SLC35B4: variants seen among roughly 807,000 people sequenced by gnomAD.
SLC35B4 encodes nucleotide sugar transporter SLC35B4.
In SLC35B4, 28 loss-of-function variants were observed where a neutral mutation model predicts 39.5. That is an observed-to-expected ratio of 0.71 (90% confidence interval 0.53 to 0.97). The LOEUF (loss-of-function observed/expected upper bound fraction) is 0.97. Ranked by LOEUF, SLC35B4 falls within the 50% of genes least tolerant of loss-of-function variation. SLC35B4 has a pLI of 0.00. For synonymous variants in SLC35B4, 145 were observed against 150.4 expected (o/e 0.96, Z 0.26); for missense variants, 334 against 414.3 (o/e 0.81, Z 1.68).
chr7:134,294,829 G>A lies in SLC35B4; in HGVS notation c.*4C>T, dbSNP rs778645000. The A allele has an allele frequency of 1.2e-6, 2 of 1,613,706 alleles. No homozygotes were observed. The highest frequency in any genetic ancestry group is 2.7e-5 in the African/African-American group (2 of 74,884). Reference sequence around the variant, plus strand: ...GACACTGGTCTACGTACTCCAGACAGGCCTCAGTTCTTCTTGCTGTCCTTC... The same window carrying A: ...GACACTGGTCTACGTACTCCAGACAAGCCTCAGTTCTTCTTGCTGTCCTTC... On this transcript the variant is annotated 3_prime_UTR_variant, in exon 10 of 10. Transcript: ENST00000378509.
intron 8 of SLC35B4, among the ~76,000 whole-genome samples, chr7:134,298,112 C>T (rs1803506103): frequency 6.6e-6 from 1 of 152,050 alleles, no homozygotes; most frequent in Admixed American, 6.5e-5. Flanking sequence ...AATTTTCTTT[C>T]ACGAATAAAA....
rs1435084611 is a variant in SLC35B4 at position 134,316,879 on chromosome 7, G to A, written c.-128C>T. ...ACCGTCCTGGAAAGCCGCTCTCACTGGGGGCCGCCGCGGTCTCCCCTTCTC... is the reference window on the plus strand; with the variant it reads ...ACCGTCCTGGAAAGCCGCTCTCACTAGGGGCCGCCGCGGTCTCCCCTTCTC... On this transcript the variant is annotated 5_prime_UTR_variant, in exon 1 of 10. Coordinates refer to ENST00000378509, the MANE Select transcript of SLC35B4 (RefSeq NM_032826.5). 1.8e-5 allele frequency: 16 copies of A among 873,056 alleles called. No individual in the cohort carries two copies. Among genetic ancestry groups the A allele is most frequent in the Non-Finnish European group, 2.6e-5 (15 of 573,138 alleles). The allele number at this position is 873,056 out of a possible 1,614,324, so 54.1% of individuals were successfully genotyped here. A position where few individuals can be genotyped will look rare whatever the true frequency, so the allele number is the denominator to read the frequency against.
At chr7:134,295,291 A>C (rs1803437893) in intron 9 of SLC35B4, 2 of 535,176 alleles carry the variant, frequency 3.7e-6, no homozygotes, top group South Asian at 2.2e-5. Flanking sequence ...ACCGCCAAAA[A>C]ACCCCCAATT....
intron 1 of SLC35B4, among the ~76,000 whole-genome samples, chr7:134,314,041 A>AAAAG (rs959338941): frequency 7.6e-5 from 9 of 118,696 alleles, no homozygotes; most frequent in African/African-American, 2.5e-4. Flanking sequence ...TACAAAAAAA[A>AAAAG]GATAAGTGAT....
At chr7:134,300,851 A>T (rs938283544) in intron 6 of SLC35B4, among the ~76,000 whole-genome samples, 1 of 152,078 alleles carries the variant, frequency 6.6e-6, no homozygotes, top group Non-Finnish European at 1.5e-5. Flanking sequence ...GTTTTACTGT[A>T]CCCTCAGCAG....
At chr7:134,317,308 T>C (rs552401334), upstream of SLC35B4, among the ~76,000 whole-genome samples, 13 of 152,214 alleles carry the variant, frequency 8.5e-5, no homozygotes, top group African/African-American at 2.7e-4. Context: ...TGAACTGATA[T>C]ATATATATGT....
intron 1 of SLC35B4, among the ~76,000 whole-genome samples, chr7:134,309,717 T>C (rs1283237590): frequency 6.6e-6 from 1 of 152,230 alleles, no homozygotes; most frequent in Non-Finnish European, 1.5e-5. Context: ...TGAGTGAGAA[T>C]TACTGTGACG....
rs112171997 is a variant in SLC35B4 at position 134,294,193 on chromosome 7, G to GA, written c.*639dup. On this transcript the variant is annotated 3_prime_UTR_variant, in exon 10 of 10. Coordinates refer to ENST00000378509, the MANE Select transcript of SLC35B4 (RefSeq NM_032826.5). ...GATAGAAGCATCTGACTTTTGCATA[G>GA]AAAAAAAAAAAAGCAAAATGTGGGA... 0.02 allele frequency: 2,914 copies of GA among 143,256 alleles called. 111 individuals are homozygous for GA. The highest frequency in any genetic ancestry group is 0.07 in the African/African-American group (2,763 of 39,394). The allele number at this position is 143,256 out of a possible 1,614,324, so 8.9% of individuals were successfully genotyped here.
chr7:134,309,864 G>C (rs1288641227), intron 1 of SLC35B4, among the ~76,000 whole-genome samples: 1 of 152,146 alleles, frequency 6.6e-6, no homozygotes, highest in Admixed American at 6.5e-5. Context: ...GCAAAGCCCA[G>C]GGACAGAAAT....
At chr7:134,316,609 G>T in intron 1 of SLC35B4, 66 bp downstream of exon 1, 3 of 1,505,508 alleles carry the variant, frequency 2.0e-6, no homozygotes, top group Admixed American at 2.0e-5. Flanking sequence ...GTCCCGGGGG[G>T]ACCTCTCCTC....
At chr7:134,309,344 A>G in intron 2 of SLC35B4, 22 bp downstream of exon 2, 1 of 1,507,064 alleles carries the variant, frequency 6.6e-7, no homozygotes, top group South Asian at 1.2e-5. Flanking sequence ...CAAAAGCTAA[A>G]AGAGACTCTA....
upstream of SLC35B4, among the ~76,000 whole-genome samples, chr7:134,318,798 T>C (rs1563221831): frequency 6.6e-6 from 1 of 152,234 alleles, no homozygotes; most frequent in Non-Finnish European, 1.5e-5. Flanking sequence ...AAAAATGGCC[T>C]GAGTACTGTA....
intron 1 of SLC35B4, among the ~76,000 whole-genome samples, chr7:134,315,756 T>C (rs1585649213): frequency 6.6e-6 from 1 of 151,970 alleles, no homozygotes; most frequent in African/African-American, 2.4e-5. Flanking sequence ...GAGAACACTA[T>C]AGGTATTGTT....
chr7:134,289,898 T>G lies in SLC35B4; in HGVS notation c.*4935A>C, dbSNP rs572864672. 2.0e-5 allele frequency: 3 copies of G among 152,164 alleles called. No individual in the cohort carries two copies. Among genetic ancestry groups the G allele is most frequent in the Non-Finnish European group, 4.4e-5 (3 of 68,034 alleles). The allele number at this position is 152,164 out of a possible 1,614,324, so 9.4% of individuals were successfully genotyped here. Reference sequence around the variant, plus strand: ...CTGGCTCCCTTGCAACTTGCCTCACTTGATTAAAATTGACAAATTTTGGTA... The same window carrying G: ...CTGGCTCCCTTGCAACTTGCCTCACGTGATTAAAATTGACAAATTTTGGTA... On this transcript the variant is annotated 3_prime_UTR_variant, in exon 10 of 10. Transcript: ENST00000378509.
At chr7:134,318,022 T>C (rs545884291), upstream of SLC35B4, among the ~76,000 whole-genome samples, 1 of 152,216 alleles carries the variant, frequency 6.6e-6, no homozygotes, top group Non-Finnish European at 1.5e-5. Flanking sequence ...GATTTTGGAA[T>C]GCTATATTGT....
Position 134,316,053 on chromosome 7 carries a change from C to T in SLC35B4, c.77+622G>A, listed in dbSNP as rs571626868. Among the ~76,000 whole-genome samples the T allele has an allele frequency of 8.6e-5, 13 of 151,716 alleles. No individual in the cohort carries two copies. In the South Asian group the frequency reaches 2.7e-3, roughly 32 times the overall value. ...GCACTCTCGGGTCACGTGGACTGAT[C>T]TTCTACATAAAAATCTGTTCTACCG... On this transcript the variant is annotated intron_variant, in intron 1 of 9. Coordinates refer to ENST00000378509, the MANE Select transcript of SLC35B4 (RefSeq NM_032826.5).
At chr7:134,318,892 T>G (rs532798428), upstream of SLC35B4, among the ~76,000 whole-genome samples, 5 of 152,354 alleles carry the variant, frequency 3.3e-5, no homozygotes, top group South Asian at 1.0e-3. Flanking sequence ...TTAATGTGCA[T>G]GTTAATCACT....
intron 2 of SLC35B4, among the ~76,000 whole-genome samples, chr7:134,309,154 T>C (rs1432209598): frequency 6.6e-6 from 1 of 152,182 alleles, no homozygotes; most frequent in African/African-American, 2.4e-5. Context: ...GTCTCCATCA[T>C]GGTTATTTTA....
In SLC35B4 at chr7:134,306,628, A is replaced by G. The variant is rs369156460; in HGVS notation, c.294+44T>C. On this transcript the variant is annotated intron_variant, in intron 3 of 9. Transcript: ENST00000378509. ...ATATATTCAATCGATCTACTTAACT[A>G]TACTTTTCAGAGGAACATATACACG... is the stretch of plus-strand genomic sequence containing the variant. 9.5e-5 allele frequency: 145 copies of G among 1,519,196 alleles called. 4 individuals are homozygous for G. The South Asian group carries it at 1.6e-3, about 17-fold the overall frequency. The allele number at this position is 1,519,196 out of a possible 1,614,324, so 94.1% of individuals were successfully genotyped here.
Sources: gnomAD v4.1 joint callset for allele counts (sites outside exome capture counted in the v4.1 genomes callset) on GRCh38, gnomAD v4.1.1 for gene constraint, MANE v1.5 for transcripts, NCBI Gene and HGNC (gene_info 2026-07-23, HGNC 2026-07-21) for gene names.